ADAMTS9: variants seen among roughly 807,000 people sequenced by gnomAD.
ADAMTS9 encodes the protein ADAM metallopeptidase with thrombospondin type 1 motif 9, also known as A disintegrin and metalloproteinase with thrombospondin motifs 9.
In ADAMTS9, 107 loss-of-function variants were observed where a neutral mutation model predicts 257.1. The ratio of observed to expected loss-of-function variants is 0.42; its 90% CI spans 0.36 to 0.49. ADAMTS9 has a LOEUF of 0.49. Ranked by LOEUF, ADAMTS9 falls within the 20% of genes least tolerant of loss-of-function variation. The pLI is 0.03. For missense variants in ADAMTS9, 2,353 were observed against 2,469.1 expected (o/e 0.95, Z 1.00); for synonymous variants, 982 against 880.9 (o/e 1.11, Z -2.03).
chr3:64,561,779 G>A (rs2083428693), intron 29 of ADAMTS9, 28 bp from the exon 30 acceptor site: 2 of 1,532,288 alleles, frequency 1.3e-6, no homozygotes, highest in Admixed American at 1.9e-5. Flanking sequence ...GTAAGTGGGA[G>A]CTTCGGCTCA....
intron 16 of ADAMTS9, among the ~76,000 whole-genome samples, chr3:64,629,460 G>A (rs1038827944): frequency 2.0e-5 from 3 of 152,170 alleles, no homozygotes; most frequent in South Asian, 2.1e-4. Flanking sequence ...TACTGCCTCC[G>A]TCTTCCCTAC....
intron 28 of ADAMTS9, among the ~76,000 whole-genome samples, chr3:64,585,862 C>A (rs1487455221): frequency 6.6e-6 from 1 of 152,076 alleles, no homozygotes; most frequent in Non-Finnish European, 1.5e-5. Context: ...TTCTTATATT[C>A]ATTCCTGATT....
intron 12 of ADAMTS9, among the ~76,000 whole-genome samples, chr3:64,640,170 C>G (rs548255626): frequency 6.6e-6 from 1 of 152,200 alleles, no homozygotes; most frequent in African/African-American, 2.4e-5. Context: ...ATCTCACAGC[C>G]CTTTAGTTAT....
chr3:64,639,555 A>G (rs146968086), intron 12 of ADAMTS9, among the ~76,000 whole-genome samples: 1 of 114,464 alleles, frequency 8.7e-6, no homozygotes, highest in East Asian at 2.5e-4. Context: ...AAGACTTAAC[A>G]AAGTATTATT....
intron 4 of ADAMTS9, among the ~76,000 whole-genome samples, chr3:64,657,484 A>C (rs148450191): frequency 6.6e-6 from 1 of 150,674 alleles, no homozygotes; most frequent in African/African-American, 2.4e-5. Flanking sequence ...TACTATAGGT[A>C]TATGCCACTA....
chr3:64,607,385 C>G (rs1220728147), intron 22 of ADAMTS9, among the ~76,000 whole-genome samples: 1 of 152,168 alleles, frequency 6.6e-6, no homozygotes, highest in African/African-American at 2.4e-5. Context: ...TTCACACTAC[C>G]TAGCAGAGTG....
intron 30 of ADAMTS9, 197 bp downstream of exon 30, chr3:64,561,381 A>G: frequency 2.3e-6 from 1 of 434,150 alleles, no homozygotes; most frequent in Non-Finnish European, 4.0e-6. Flanking sequence ...AGACAGACGT[A>G]GGAATTGCTT....
At chr3:64,623,435 C>T (rs907293336) in intron 16 of ADAMTS9, among the ~76,000 whole-genome samples, 5 of 152,176 alleles carry the variant, frequency 3.3e-5, no homozygotes, top group African/African-American at 7.2e-5. Flanking sequence ...GTGGATTCTC[C>T]AGCCCTAGTT....
chr3:64,546,218 A>C (rs1170098890), intron 32 of ADAMTS9, among the ~76,000 whole-genome samples: 1 of 151,974 alleles, frequency 6.6e-6, no homozygotes, highest in East Asian at 1.9e-4. Context: ...AGTGCTGGGG[A>C]CCAGCAGTAT....
intron 32 of ADAMTS9, among the ~76,000 whole-genome samples, chr3:64,543,022 T>C (rs1397472878): frequency 6.6e-6 from 1 of 152,170 alleles, no homozygotes; most frequent in Non-Finnish European, 1.5e-5. Flanking sequence ...CTAGAAGGAA[T>C]GGATAAATTC....
chr3:64,647,903 G>T (rs200620484), intron 11 of ADAMTS9, 37 bp downstream of exon 11: 2 of 1,584,320 alleles, frequency 1.3e-6, no homozygotes, highest in African/African-American at 1.4e-5. Flanking sequence ...GCACATTTCT[G>T]CCCTAAGACA....
chr3:64,539,090 G>A (rs563851194), intron 37 of ADAMTS9, 113 bp downstream of exon 37: 2 of 1,054,388 alleles, frequency 1.9e-6, no homozygotes, highest in Admixed American at 3.9e-5. Context: ...TGGCCAAACT[G>A]CCCTCTAGAG....
At chr3:64,523,612 G>A (rs147033995) in intron 38 of ADAMTS9, among the ~76,000 whole-genome samples, 109 of 152,282 alleles carry the variant, frequency 7.2e-4, no homozygotes, top group African/African-American at 2.5e-3. Context: ...GATGTTTAAA[G>A]CCTATGGTTA....
chr3:64,584,385 G>C (rs2084091014), intron 28 of ADAMTS9, among the ~76,000 whole-genome samples: 1 of 152,002 alleles, frequency 6.6e-6, no homozygotes, highest in Admixed American at 6.6e-5. Context: ...GAGGAGGAGA[G>C]AAGGCTTAGG....
chr3:64,543,046 C>T (rs1465771515), intron 32 of ADAMTS9, among the ~76,000 whole-genome samples: 1 of 152,174 alleles, frequency 6.6e-6, no homozygotes. Context: ...GACACATACA[C>T]CCTCCCAAGA....
At chr3:64,672,763 G>A (rs1005723202) in intron 3 of ADAMTS9, among the ~76,000 whole-genome samples, 1 of 152,134 alleles carries the variant, frequency 6.6e-6, no homozygotes, top group African/African-American at 2.4e-5. Context: ...AACCTAACTT[G>A]CCACCTTACA....
At chr3:64,678,094 T>C (rs1048800994) in intron 3 of ADAMTS9, among the ~76,000 whole-genome samples, 2 of 152,200 alleles carry the variant, frequency 1.3e-5, no homozygotes, top group African/African-American at 2.4e-5. Flanking sequence ...CATGATCTGG[T>C]AACTAAAGGG....
intron 16 of ADAMTS9, among the ~76,000 whole-genome samples, chr3:64,628,581 C>T (rs968173895): frequency 3.9e-5 from 6 of 152,100 alleles, no homozygotes; most frequent in African/African-American, 1.4e-4. Context: ...AATGGATTCC[C>T]CCCCCAAAAT....
chr3:64,557,368 T>A (rs768758832), intron 30 of ADAMTS9, among the ~76,000 whole-genome samples: 2 of 152,212 alleles, frequency 1.3e-5, no homozygotes, highest in Non-Finnish European at 2.9e-5. Flanking sequence ...ATATGTCAGA[T>A]TGTGATACTA....
Sources: allele counts gnomAD v4.1 joint callset (sites outside exome capture counted in the v4.1 genomes callset), GRCh38; gene constraint gnomAD v4.1.1; transcripts MANE v1.5; gene names NCBI Gene and HGNC (gene_info 2026-07-23, HGNC 2026-07-21).